Variants in PRTFDC1 observed in about 807,000 individuals in gnomAD.
PRTFDC1 encodes phosphoribosyltransferase domain-containing protein 1.
In PRTFDC1, 38 loss-of-function variants were observed where a neutral mutation model predicts 34.6. The ratio of observed to expected loss-of-function variants is 1.10; its 90% CI spans 0.85 to 1.44. The LOEUF is 1.44. Among genes scored for constraint, PRTFDC1 ranks in the 40% most tolerant of loss-of-function variants. The pLI, the probability that PRTFDC1 is intolerant of heterozygous loss-of-function variation, is 0.00. For synonymous variants in PRTFDC1, 93 were observed against 98.1 expected (o/e 0.95, Z 0.31); for missense variants, 270 against 283.0 (o/e 0.95, Z 0.33).
intron 1 of PRTFDC1, chr10:24,951,655 TGA>T: frequency 2.1e-6 from 2 of 967,010 alleles, no homozygotes; most frequent in Non-Finnish European, 2.5e-6. Flanking sequence ...TCACCACCAT[TGA>T]GTTTCACACT....
rs183088803 is a variant in PRTFDC1 at position 24,865,084 on chromosome 10, C to A, written c.406-6675G>T. Among the ~76,000 whole-genome samples, 97 of 152,226 alleles carry A rather than the reference C, an allele frequency of 6.4e-4. 2 individuals are homozygous for A. The highest frequency in any genetic ancestry group is 4.3e-4 in the Non-Finnish European group (29 of 68,028). On this transcript the variant is annotated intron_variant, in intron 4 of 8. Transcript: ENST00000320152. ...TGAGCTGAGATCGTGCCACTGCACT[C>A]CAGCCTGGGTGACAGAGTGAGACTC... is the stretch of plus-strand genomic sequence containing the variant.
intron 3 of PRTFDC1, among the ~76,000 whole-genome samples, chr10:24,912,268 C>CA (rs58294462): frequency 0.33 from 17,588 of 53,898 alleles, 5,369 homozygotes; most frequent in East Asian, 0.51. Flanking sequence ...GACTTCATCT[C>CA]AAAAAAAAAA....
chr10:24,906,063 T>C (rs865786435), intron 3 of PRTFDC1, among the ~76,000 whole-genome samples: 16 of 152,188 alleles, frequency 1.1e-4, no homozygotes, highest in Middle Eastern at 3.2e-3. Flanking sequence ...CCATCCATGT[T>C]GCAAATGATA....
chr10:24,920,784 C>G (rs988891814), intron 3 of PRTFDC1, among the ~76,000 whole-genome samples: 1 of 152,052 alleles, frequency 6.6e-6, no homozygotes, highest in Non-Finnish European at 1.5e-5. Flanking sequence ...GGAAAAATAA[C>G]TATCCCTGAA....
intron 3 of PRTFDC1, among the ~76,000 whole-genome samples, chr10:24,902,130 AG>A (rs1164454470): frequency 6.6e-6 from 1 of 152,202 alleles, no homozygotes. Context: ...GATGGCTCAT[AG>A]CAATCAATGG....
chr10:24,874,953 T>TC (rs989503800), intron 3 of PRTFDC1, among the ~76,000 whole-genome samples: 22 of 152,144 alleles, frequency 1.4e-4, no homozygotes, highest in Non-Finnish European at 4.4e-5. Flanking sequence ...AAGGGTCTTT[T>TC]CCCCCTGCTT....
intron 4 of PRTFDC1, among the ~76,000 whole-genome samples, chr10:24,860,454 T>C (rs969015997): frequency 2.6e-5 from 4 of 152,156 alleles, no homozygotes; most frequent in African/African-American, 9.7e-5. Flanking sequence ...AAGATTTAAT[T>C]AATAAAAATG....
chr10:24,881,235 TTTTTTA>T (rs148592106), intron 3 of PRTFDC1, among the ~76,000 whole-genome samples: 63,074 of 150,664 alleles, frequency 0.42, 13,756 homozygotes, highest in Non-Finnish European at 0.48. Flanking sequence ...CCCAGCTGAT[TTTTTTA>T]TTTTTATTTT....
At chr10:24,921,890 C>T (rs1388741048) in intron 3 of PRTFDC1, among the ~76,000 whole-genome samples, 4 of 152,092 alleles carry the variant, frequency 2.6e-5, no homozygotes, top group Non-Finnish European at 5.9e-5. Flanking sequence ...TAATGGCAAA[C>T]TCATGCAAGA....
At chr10:24,857,465 C>T (rs1414019886) in intron 5 of PRTFDC1, among the ~76,000 whole-genome samples, 4 of 152,198 alleles carry the variant, frequency 2.6e-5, no homozygotes, top group African/African-American at 4.8e-5. Flanking sequence ...GGTGTCTGGA[C>T]AGCAGCTGGT....
chr10:24,939,793 C>CA lies in PRTFDC1; in HGVS notation c.156-2427dup, dbSNP rs55974992. Among the ~76,000 whole-genome samples the CA allele has an allele frequency of 5.7e-3, 404 of 71,436 alleles. 5 individuals are homozygous for CA. Among genetic ancestry groups the CA allele is most frequent in the East Asian group, 0.038 (93 of 2,466 alleles). 46.9% of individuals were successfully genotyped at this position (71,436 alleles called of 152,430 possible). ...AGGGTGACAGAGTGAGACTCTATCTCAAAAAAAAAAAAAAAAAAAAAAGAA... is the reference window on the plus strand; with the variant it reads ...AGGGTGACAGAGTGAGACTCTATCTCAAAAAAAAAAAAAAAAAAAAAAAGAA... On this transcript the variant is annotated intron_variant, in intron 2 of 8. Coordinates refer to ENST00000320152, the MANE Select transcript of PRTFDC1 (RefSeq NM_020200.7).
At chr10:24,927,429 C>T (rs1035752604) in intron 3 of PRTFDC1, among the ~76,000 whole-genome samples, 1 of 152,076 alleles carries the variant, frequency 6.6e-6, no homozygotes, top group South Asian at 2.1e-4. Context: ...TCCTGATGTA[C>T]TCTTTAGTTA....
chr10:24,861,267 G>A (rs1847675715), intron 4 of PRTFDC1, among the ~76,000 whole-genome samples: 2 of 152,182 alleles, frequency 1.3e-5, no homozygotes. Flanking sequence ...CTGGGAGGCT[G>A]AGGCGGGCAA....
At chr10:24,894,705 G>GA (rs1444464441) in intron 3 of PRTFDC1, among the ~76,000 whole-genome samples, 1 of 152,132 alleles carries the variant, frequency 6.6e-6, no homozygotes, top group African/African-American at 2.4e-5. Context: ...TTTCAGTGCT[G>GA]AAAAAAAGTT....
Position 24,931,895 on chromosome 10 carries a change from C to T in PRTFDC1, c.339+5289G>A, listed in dbSNP as rs1848977950. Among the ~76,000 whole-genome samples, 4 of 130,482 alleles carry T rather than the reference C, an allele frequency of 3.1e-5. No homozygotes were observed. The South Asian group carries it at 9.7e-4, about 32-fold the overall frequency. The allele number at this position is 130,482 out of a possible 152,430, so 85.6% of individuals were successfully genotyped here. On this transcript the variant is annotated intron_variant, in intron 3 of 8. Coordinates refer to ENST00000320152, the MANE Select transcript of PRTFDC1 (RefSeq NM_020200.7). ...ACCAATATAAGCCTGATACCAGAAT[C>T]AGAAAAAGGCACTATAAGAAAAAAA...
At chr10:24,886,230 T>C (rs1356443468) in intron 3 of PRTFDC1, among the ~76,000 whole-genome samples, 1 of 149,010 alleles carries the variant, frequency 6.7e-6, no homozygotes, top group African/African-American at 2.6e-5. Context: ...TATGTGGGGC[T>C]ATATGAGAAA....
intron 3 of PRTFDC1, among the ~76,000 whole-genome samples, chr10:24,894,895 G>A (rs936521111): frequency 1.3e-5 from 2 of 152,220 alleles, no homozygotes; most frequent in East Asian, 3.9e-4. Context: ...GGAAGTAGTG[G>A]CGACACACAC....
At chr10:24,918,333 A>G (rs1379259767) in intron 3 of PRTFDC1, among the ~76,000 whole-genome samples, 1 of 152,146 alleles carries the variant, frequency 6.6e-6, no homozygotes, top group Non-Finnish European at 1.5e-5. Flanking sequence ...ACTATATCAT[A>G]TCATATCATA....
intron 1 of PRTFDC1, chr10:24,951,503 T>G (rs1324247387): frequency 5.3e-6 from 5 of 944,882 alleles, no homozygotes; most frequent in Non-Finnish European, 1.3e-6. Flanking sequence ...CATTTCAACC[T>G]GACCCTTCTG....
Sources: gnomAD v4.1 joint callset for allele counts (sites outside exome capture counted in the v4.1 genomes callset) on GRCh38, gnomAD v4.1.1 for gene constraint, MANE v1.5 for transcripts, NCBI Gene and HGNC (gene_info 2026-07-23, HGNC 2026-07-21) for gene names.